Variants in LMNTD1 observed in about 807,000 individuals in gnomAD.
LMNTD1 encodes the protein lamin tail domain containing 1.
In LMNTD1, 35 loss-of-function variants were observed where a neutral mutation model predicts 50.9. That is an observed-to-expected ratio of 0.69 (90% confidence interval 0.53 to 0.91). The LOEUF (loss-of-function observed/expected upper bound fraction) is 0.91, where lower values mean the gene tolerates loss of function less well. Ranked by LOEUF, LMNTD1 falls within the 40% of genes least tolerant of loss-of-function variation. The pLI is 0.00. For synonymous variants in LMNTD1, 153 were observed against 161.9 expected (o/e 0.94, Z 0.42); for missense variants, 470 against 475.5 (o/e 0.99, Z 0.11).
At chr12:25,587,626 C>T (rs1482122323) in intron 1 of LMNTD1, among the ~76,000 whole-genome samples, 7 of 152,254 alleles carry the variant, frequency 4.6e-5, no homozygotes, top group African/African-American at 1.4e-4. Flanking sequence ...GATCCAATCA[C>T]CTCCCAATGG....
chr12:25,476,884 A>AT, intron 9 of LMNTD1, among the ~76,000 whole-genome samples: 1 of 152,298 alleles, frequency 6.6e-6, no homozygotes, highest in East Asian at 1.9e-4. Context: ...TACAGAAATA[A>AT]TTTTTTAAAA....
intron 1 of LMNTD1, among the ~76,000 whole-genome samples, chr12:25,648,139 C>A (rs1486237843): frequency 6.6e-6 from 1 of 152,116 alleles, no homozygotes; most frequent in East Asian, 1.9e-4. Flanking sequence ...CAATGAAAAT[C>A]ACTGAAAATG....
chr12:25,603,109 C>T (rs183412803), intron 1 of LMNTD1, among the ~76,000 whole-genome samples: 21 of 152,122 alleles, frequency 1.4e-4, no homozygotes, highest in Non-Finnish European at 2.5e-4. Flanking sequence ...GGATTCATTG[C>T]TTACCTCATT....
intron 1 of LMNTD1, chr12:25,648,366 T>C (rs1309324042): frequency 1.4e-6 from 1 of 699,948 alleles, no homozygotes; most frequent in African/African-American, 1.8e-5. Context: ...ATGAAAAAAA[T>C]TGTTCTTATA....
intron 8 of LMNTD1, among the ~76,000 whole-genome samples, chr12:25,516,378 C>T (rs1940776927): frequency 6.6e-6 from 1 of 152,106 alleles, no homozygotes; most frequent in Admixed American, 6.5e-5. Flanking sequence ...AAGTTGCCAC[C>T]ATCATATTAT....
intron 1 of LMNTD1, among the ~76,000 whole-genome samples, chr12:25,639,191 A>G (rs1348713335): frequency 2.6e-5 from 4 of 152,206 alleles, no homozygotes; most frequent in Non-Finnish European, 5.9e-5. Flanking sequence ...CCTATATGTA[A>G]GAGTTAGAAC....
At chr12:25,575,707 A>G (rs1944983186) in intron 1 of LMNTD1, among the ~76,000 whole-genome samples, 3 of 151,620 alleles carry the variant, frequency 2.0e-5, no homozygotes, top group Admixed American at 2.0e-4. Context: ...TTATAATTAT[A>G]CTTTAAGTTC....
intron 4 of LMNTD1, among the ~76,000 whole-genome samples, chr12:25,541,853 A>G (rs1943101185): frequency 6.9e-6 from 1 of 145,324 alleles, no homozygotes; most frequent in Admixed American, 6.9e-5. Context: ...AGAATCTACA[A>G]TGAACTCAAA....
In LMNTD1 at chr12:25,545,381, A is replaced by T. The variant is rs1465829582; in HGVS notation, c.491+993T>A. Among the ~76,000 whole-genome samples the T allele has an allele frequency of 2.7e-5, 4 of 150,792 alleles. No homozygotes were observed. In the East Asian group the frequency reaches 7.8e-4, roughly 29 times the overall value. On this transcript the variant is annotated intron_variant, in intron 4 of 9. Transcript: ENST00000458174. ...TTCTCTTTGTCCTTGACCTCTGGGG[A>T]GCTTAATTATTATACGAGTGTTTCT...
chr12:25,527,002 G>T, intron 4 of LMNTD1, 47 bp from the exon 5 acceptor site: 5 of 1,324,822 alleles, frequency 3.8e-6, no homozygotes, highest in Non-Finnish European at 5.2e-6. Flanking sequence ...AGATAGGAGT[G>T]TCTTTGACTC....
intron 8 of LMNTD1, among the ~76,000 whole-genome samples, chr12:25,516,634 C>T (rs1322080544): frequency 6.6e-6 from 1 of 152,014 alleles, no homozygotes; most frequent in East Asian, 1.9e-4. Context: ...CTAAAGAGAC[C>T]TTCAATTTCA....
intron 1 of LMNTD1, among the ~76,000 whole-genome samples, chr12:25,616,054 G>A (rs1203348222): frequency 6.6e-6 from 1 of 151,396 alleles, no homozygotes; most frequent in Non-Finnish European, 1.5e-5. Context: ...TAGTAGGGGA[G>A]ACAGACTATA....
At chr12:25,600,311 G>A (rs1102916) in intron 1 of LMNTD1, among the ~76,000 whole-genome samples, 139,108 of 152,126 alleles carry the variant, frequency 0.91, 64,861 homozygotes, top group East Asian at 1. Context: ...AATGAATTAC[G>A]GACTTAAATC....
Position 25,518,986 on chromosome 12 carries a change from TA to T in LMNTD1, c.1017-20del. ...CTTCTCTCTGTAAAAGAAAAAAGCC[TA>T]AATGGAACTCAAAAGCCATTTTATG... On this transcript the variant is annotated intron_variant, in intron 7 of 9. Transcript: ENST00000458174. The T allele has an allele frequency of 6.2e-7, 1 of 1,612,706 alleles. No homozygotes were observed. Among genetic ancestry groups the T allele is most frequent in the South Asian group, 1.1e-5 (1 of 90,952 alleles).
At chr12:25,528,426 A>G (rs1941967766) in intron 4 of LMNTD1, among the ~76,000 whole-genome samples, 1 of 152,182 alleles carries the variant, frequency 6.6e-6, no homozygotes, top group Admixed American at 6.6e-5. Flanking sequence ...TGTACACACC[A>G]TGGTGGTTGA....
intron 1 of LMNTD1, among the ~76,000 whole-genome samples, chr12:25,624,021 C>T (rs7980022): frequency 0.083 from 12,660 of 152,134 alleles, 564 homozygotes; most frequent in Middle Eastern, 0.18. Flanking sequence ...AGGTATTAAT[C>T]ATACTTTCCT....
chr12:25,575,803 C>T (rs1944989565), intron 1 of LMNTD1, among the ~76,000 whole-genome samples: 1 of 152,022 alleles, frequency 6.6e-6, no homozygotes, highest in Non-Finnish European at 1.5e-5. Context: ...CTCGTCACTT[C>T]CATTAGGTAT....
intron 1 of LMNTD1, among the ~76,000 whole-genome samples, chr12:25,616,370 T>C (rs190642977): frequency 5.3e-5 from 8 of 152,284 alleles, no homozygotes; most frequent in Admixed American, 2.0e-4. Context: ...GAATGAACTA[T>C]TGACACACAC....
intron 1 of LMNTD1, among the ~76,000 whole-genome samples, chr12:25,629,408 A>G (rs1946666031): frequency 6.6e-6 from 1 of 152,192 alleles, no homozygotes; most frequent in South Asian, 2.1e-4. Context: ...CTCAGGCTTG[A>G]TAAGTCAAGA....
Sources: allele counts gnomAD v4.1 joint callset (sites outside exome capture counted in the v4.1 genomes callset), GRCh38; gene constraint gnomAD v4.1.1; transcripts MANE v1.5; gene names NCBI Gene and HGNC (gene_info 2026-07-23, HGNC 2026-07-21).